The following RANBP17 variants were observed in gnomAD, a reference collection of about 807,000 sequenced individuals.
The protein encoded by RANBP17 is ran-binding protein 17.
A neutral mutation model predicts 141.2 loss-of-function variants in RANBP17; 158 were observed. The observed-to-expected ratio is 1.12, with a 90% CI of 0.98 to 1.28. RANBP17 has a LOEUF of 1.28. Ranked by LOEUF, RANBP17 falls within the 50% of genes most tolerant of loss-of-function variation. The pLI, the probability that RANBP17 is intolerant of heterozygous loss-of-function variation, is 0.00. For synonymous variants in RANBP17, 430 were observed against 450.0 expected (o/e 0.96, Z 0.56); for missense variants, 1,438 against 1,290.7 (o/e 1.11, Z -1.75).
chr5:171,237,937 C>T (rs1387771602), intron 22 of RANBP17, among the ~76,000 whole-genome samples: 1 of 152,170 alleles, frequency 6.6e-6, no homozygotes, highest in East Asian at 1.9e-4. Flanking sequence ...AGATTTTCAG[C>T]TTTTTGAGGG....
chr5:170,919,135 TA>T (rs1168162638), intron 10 of RANBP17, among the ~76,000 whole-genome samples: 2 of 151,976 alleles, frequency 1.3e-5, no homozygotes, highest in African/African-American at 4.8e-5. Flanking sequence ...GAAAAGTTTT[TA>T]AAATAATTTT....
At chr5:170,892,894 T>C (rs1244512671) in intron 4 of RANBP17, among the ~76,000 whole-genome samples, 3 of 152,176 alleles carry the variant, frequency 2.0e-5, no homozygotes, top group Admixed American at 6.5e-5. Context: ...TAAAATGAAA[T>C]AGATTTTATT....
At chr5:170,892,129 C>CTTTTTTTTTTTTTTTTTTTTTTTTTTTT (rs143842890) in intron 3 of RANBP17, among the ~76,000 whole-genome samples, 1 of 131,908 alleles carries the variant, frequency 7.6e-6, no homozygotes, top group African/African-American at 2.8e-5. Flanking sequence ...TCACAAAATT[C>CTTTTTTTTTTTTTTTTTTTTTTTTTTTT]TTTTTTTTTT....
intron 14 of RANBP17, among the ~76,000 whole-genome samples, chr5:171,041,220 G>A (rs1345051729): frequency 6.6e-6 from 1 of 151,760 alleles, no homozygotes; most frequent in East Asian, 1.9e-4. Flanking sequence ...AAAAATTGGG[G>A]GTCATGTTAT....
intron 14 of RANBP17, among the ~76,000 whole-genome samples, chr5:171,123,234 C>T (rs1235598217): frequency 6.6e-6 from 1 of 152,186 alleles, no homozygotes; most frequent in Non-Finnish European, 1.5e-5. Context: ...TGAATACAGG[C>T]ACATGCCACC....
chr5:171,000,209 A>G (rs1047965601), intron 14 of RANBP17, among the ~76,000 whole-genome samples: 1 of 152,216 alleles, frequency 6.6e-6, no homozygotes, highest in African/African-American at 2.4e-5. Context: ...ATATGGATAT[A>G]CAAATATCTC....
intron 14 of RANBP17, among the ~76,000 whole-genome samples, chr5:171,082,007 A>G (rs1001033441): frequency 6.6e-6 from 1 of 152,096 alleles, no homozygotes; most frequent in Non-Finnish European, 1.5e-5. Context: ...TAGAATTTTG[A>G]CTTGAAGTCA....
At chr5:171,206,259 A>C (rs1402350377) in intron 20 of RANBP17, 1 of 160,070 alleles carries the variant, frequency 6.2e-6, no homozygotes, top group Non-Finnish European at 1.4e-5. Flanking sequence ...CTGTGTTGTG[A>C]ACCTTGGCAA....
At chr5:170,914,291 G>A in intron 8 of RANBP17, 51 bp downstream of exon 8, 1 of 1,165,558 alleles carries the variant, frequency 8.6e-7, no homozygotes, top group South Asian at 1.3e-5. Context: ...TGTAAATAAG[G>A]GGTGGTATAT....
intron 26 of RANBP17, among the ~76,000 whole-genome samples, 183 bp from the exon 27 acceptor site, chr5:171,295,704 C>T (rs1397617525): frequency 6.6e-6 from 1 of 152,146 alleles, no homozygotes; most frequent in South Asian, 2.1e-4. Context: ...GAATTGATAA[C>T]TAGGAGTGTC....
chr5:171,145,277 T>C (rs1757961094), intron 14 of RANBP17, among the ~76,000 whole-genome samples: 1 of 152,154 alleles, frequency 6.6e-6, no homozygotes, highest in Non-Finnish European at 1.5e-5. Context: ...GACATTATGC[T>C]CCAGACTCAA....
At chr5:171,262,252 C>T (rs1433663314) in intron 24 of RANBP17, among the ~76,000 whole-genome samples, 3 of 152,124 alleles carry the variant, frequency 2.0e-5, no homozygotes, top group Non-Finnish European at 2.9e-5. Context: ...CATTTACTTT[C>T]GTGACTGGGA....
chr5:171,206,590 CAGTT>C (rs1460979155), intron 20 of RANBP17: 1 of 169,660 alleles, frequency 5.9e-6, no homozygotes, highest in Non-Finnish European at 1.3e-5. Context: ...AACTATTTCT[CAGTT>C]ACTTTTTTTA....
intron 24 of RANBP17, among the ~76,000 whole-genome samples, chr5:171,243,423 T>TG (rs1765011024): frequency 1.3e-5 from 2 of 152,260 alleles, no homozygotes. Context: ...ATTCACCAGC[T>TG]GATGGACATT....
chr5:171,048,500 T>C (rs933528723), intron 14 of RANBP17, among the ~76,000 whole-genome samples: 1 of 152,134 alleles, frequency 6.6e-6, no homozygotes, highest in Non-Finnish European at 1.5e-5. Context: ...ACTTTTAGGT[T>C]CAGGGGTACA....
intron 14 of RANBP17, among the ~76,000 whole-genome samples, chr5:171,120,860 TGACA>T (rs1321936077): frequency 1.3e-5 from 2 of 152,232 alleles, no homozygotes; most frequent in Admixed American, 6.5e-5. Flanking sequence ...TAAGTCGGTT[TGACA>T]GACAATGATT....
intron 14 of RANBP17, among the ~76,000 whole-genome samples, chr5:170,992,321 TATTC>T (rs1187644674): frequency 6.6e-6 from 1 of 152,034 alleles, no homozygotes. Context: ...AAAATAATAA[TATTC>T]ATTGCTCTTT....
At chr5:171,266,552 G>A (rs959804367) in intron 25 of RANBP17, among the ~76,000 whole-genome samples, 1 of 152,150 alleles carries the variant, frequency 6.6e-6, no homozygotes, top group Non-Finnish European at 1.5e-5. Context: ...AGAGGCAGAG[G>A]CAGGAGGATT....
At chr5:171,227,930 C>A (rs888838695) in intron 22 of RANBP17, among the ~76,000 whole-genome samples, 1 of 152,182 alleles carries the variant, frequency 6.6e-6, no homozygotes, top group Admixed American at 6.5e-5. Context: ...TTGAAGCCTA[C>A]TGCTCAGAAA....
Sources: gnomAD v4.1 joint callset for allele counts (sites outside exome capture counted in the v4.1 genomes callset) on GRCh38, gnomAD v4.1.1 for gene constraint, MANE v1.5 for transcripts, NCBI Gene and HGNC (gene_info 2026-07-23, HGNC 2026-07-21) for gene names.